Variants in DDX10 observed in about 807,000 individuals in gnomAD.
DDX10 encodes probable ATP-dependent RNA helicase DDX10.
In DDX10, 74 loss-of-function variants were observed where a neutral mutation model predicts 104.3. That is an observed-to-expected ratio of 0.71 (90% CI 0.59 to 0.86). The LOEUF is 0.86. Ranked by LOEUF, DDX10 falls within the 40% of genes least tolerant of loss-of-function variation. DDX10 has a pLI of 0.00. For synonymous variants in DDX10, 351 were observed against 353.4 expected, an observed-to-expected ratio of 0.99 and a Z score of 0.08; for missense variants, 952 against 1,040.0, an observed-to-expected ratio of 0.92 and a Z score of 1.16.
rs574291881 is a variant in DDX10, at chr11:108,907,205, T to G, written c.2305-10668T>G. Among the ~76,000 whole-genome samples the G allele has an allele frequency of 8.1e-4, 123 of 152,304 alleles. 1 individual carries two copies. In the Middle Eastern group the frequency reaches 0.024, roughly 29 times the overall value. On this transcript the variant is annotated intron_variant, in intron 16 of 17. Transcript: ENST00000322536. ...AATGATGAGGAAAAAAATAAGGTAT[T>G]GAGAGGAAATTGTGTAAGTGCTACT...
At chr11:108,787,027 T>TAAGGCTGG (rs1464391872) in intron 13 of DDX10, among the ~76,000 whole-genome samples, 7 of 152,354 alleles carry the variant, frequency 4.6e-5, no homozygotes, top group Admixed American at 2.6e-4. Context: ...GGACCTCTTG[T>TAAGGCTGG]AAGGCTGGTG....
chr11:108,678,511 T>C (rs1591788830), intron 5 of DDX10, 76 bp downstream of exon 5: 1 of 1,322,914 alleles, frequency 7.6e-7, no homozygotes, highest in East Asian at 2.6e-5. Flanking sequence ...ATTTTTATGA[T>C]AGAAATTTTA....
At chr11:108,858,962 T>C (rs1311402041) in intron 16 of DDX10, among the ~76,000 whole-genome samples, 3 of 152,202 alleles carry the variant, frequency 2.0e-5, no homozygotes. Context: ...TCATAAATAT[T>C]TGTTGATTGA....
chr11:108,786,313 C>T (rs1283915745), intron 13 of DDX10, among the ~76,000 whole-genome samples: 2 of 151,592 alleles, frequency 1.3e-5, no homozygotes, highest in Non-Finnish European at 2.9e-5. Context: ...CACCTGAGAA[C>T]AATGTATATT....
At chr11:108,690,432 TG>T (rs1343251824) in intron 7 of DDX10, 1 of 152,682 alleles carries the variant, frequency 6.5e-6, no homozygotes, top group East Asian at 1.9e-4. Flanking sequence ...CCTCCTGAGG[TG>T]GGGATAAGTC....
At chr11:108,934,781 T>C (rs1006160713) in intron 17 of DDX10, among the ~76,000 whole-genome samples, 1 of 152,202 alleles carries the variant, frequency 6.6e-6, no homozygotes, top group African/African-American at 2.4e-5. Context: ...TGGCCACTTA[T>C]ATAATTTTTA....
intron 13 of DDX10, among the ~76,000 whole-genome samples, chr11:108,762,926 T>G (rs1048306185): frequency 5.3e-5 from 8 of 152,208 alleles, no homozygotes; most frequent in Non-Finnish European, 1.2e-4. Context: ...TCCTTCGCTG[T>G]ATGTAGAACT....
At chr11:108,857,904 T>G (rs1471979151) in intron 16 of DDX10, among the ~76,000 whole-genome samples, 1 of 152,230 alleles carries the variant, frequency 6.6e-6, no homozygotes, top group Admixed American at 6.5e-5. Flanking sequence ...TATCCACAAT[T>G]AGTTCTCTTT....
intron 1 of DDX10, among the ~76,000 whole-genome samples, chr11:108,668,905 T>C (rs1294692635): frequency 1.3e-5 from 2 of 152,186 alleles, no homozygotes; most frequent in Non-Finnish European, 2.9e-5. Flanking sequence ...GAGCTCCTTC[T>C]GGTCAGATGC....
chr11:108,820,779 C>T (rs1010650921), intron 13 of DDX10, among the ~76,000 whole-genome samples: 5 of 152,162 alleles, frequency 3.3e-5, no homozygotes, highest in African/African-American at 9.7e-5. Flanking sequence ...CACAGTGACT[C>T]CCGGTGTTTT....
intron 15 of DDX10, among the ~76,000 whole-genome samples, chr11:108,850,895 A>T (rs937114567): frequency 6.6e-6 from 1 of 152,132 alleles, no homozygotes; most frequent in African/African-American, 2.4e-5. Flanking sequence ...TCCATTTTTC[A>T]TCTATAGAAT....
At chr11:108,802,037 T>G (rs201946367) in intron 13 of DDX10, among the ~76,000 whole-genome samples, 3 of 79,210 alleles carry the variant, frequency 3.8e-5, no homozygotes, top group African/African-American at 7.9e-5. Context: ...GTGTGTGTGT[T>G]TGTGTGTATG....
chr11:108,768,316 C>A (rs1045878495), intron 13 of DDX10, among the ~76,000 whole-genome samples: 5 of 152,074 alleles, frequency 3.3e-5, no homozygotes. Flanking sequence ...CAGGATGTTC[C>A]TTTGGGATGA....
At chr11:108,804,725 G>T (rs1862073583) in intron 13 of DDX10, among the ~76,000 whole-genome samples, 1 of 152,022 alleles carries the variant, frequency 6.6e-6, no homozygotes, top group African/African-American at 2.4e-5. Context: ...TCATATTATT[G>T]GCAGAATGCA....
intron 15 of DDX10, among the ~76,000 whole-genome samples, chr11:108,847,679 A>T (rs565323048): frequency 6.6e-6 from 1 of 152,234 alleles, no homozygotes; most frequent in Non-Finnish European, 1.5e-5. Flanking sequence ...AATTTTTGTG[A>T]TAGTTAAGAA....
Position 108,909,709 on chromosome 11 carries a change from G to T in DDX10, c.2305-8164G>T, listed in dbSNP as rs1863643005. ...TTGTGGGACTGAGCCCTTGACCTGT[G>T]GGATCTGTGTTAAGACACTCTGCAT... On this transcript the variant is annotated intron_variant, in intron 16 of 17. Coordinates refer to ENST00000322536, the MANE Select transcript of DDX10 (RefSeq NM_004398.4). Among the ~76,000 whole-genome samples the T allele has an allele frequency of 1.3e-5, 2 of 152,158 alleles. 1 individual carries two copies. The highest frequency in any genetic ancestry group is 4.1e-4 in the South Asian group (2 of 4,826).
intron 17 of DDX10, among the ~76,000 whole-genome samples, chr11:108,938,959 T>C (rs1489717576): frequency 1.3e-5 from 2 of 152,236 alleles, no homozygotes; most frequent in African/African-American, 4.8e-5. Flanking sequence ...GGGTATAATG[T>C]AATATTTCTG....
chr11:108,779,551 G>A (rs1232970927), intron 13 of DDX10, among the ~76,000 whole-genome samples: 2 of 151,876 alleles, frequency 1.3e-5, no homozygotes, highest in Non-Finnish European at 2.9e-5. Context: ...GGTGGGAGGG[G>A]GAAGGATAGC....
intron 9 of DDX10, among the ~76,000 whole-genome samples, chr11:108,694,736 C>T (rs949175138): frequency 1.3e-5 from 2 of 152,056 alleles, no homozygotes; most frequent in Non-Finnish European, 2.9e-5. Flanking sequence ...AAAAAATCAG[C>T]CAGGAGTGGT....
Sources: allele counts gnomAD v4.1 joint callset (sites outside exome capture counted in the v4.1 genomes callset), GRCh38; gene constraint gnomAD v4.1.1; transcripts MANE v1.5; gene names NCBI Gene and HGNC (gene_info 2026-07-23, HGNC 2026-07-21).